Variants in SNRPN observed in about 807,000 individuals in gnomAD.
The protein encoded by SNRPN is small nuclear ribonucleoprotein polypeptide N.
In SNRPN, 7 loss-of-function variants were observed where a neutral mutation model predicts 25.2. The observed-to-expected ratio is 0.28, with a 90% CI of 0.16 to 0.52. The LOEUF is 0.52. Among genes scored for constraint, SNRPN ranks in the 20% least tolerant of loss-of-function variants. The probability of loss-of-function intolerance (pLI) is 0.96; values close to 1 mark genes in which losing one functional copy is unlikely to be tolerated. For synonymous variants in SNRPN, 124 were observed against 110.6 expected (o/e 1.12, Z -0.76); for missense variants, 196 against 322.5 (o/e 0.61, Z 3.00).
intron 2 of SNRPN, among the ~76,000 whole-genome samples, chr15:24,894,230 T>C (rs2057907119): frequency 6.6e-6 from 1 of 152,042 alleles, no homozygotes; most frequent in Admixed American, 6.6e-5. Flanking sequence ...TTTTTTTTTT[T>C]TCCTTTGAGA....
chr15:24,882,633 T>C lies in SNRPN; in HGVS notation c.-578-3883T>C, dbSNP rs546235097. On this transcript the variant is annotated intron_variant, in intron 1 of 11. Transcript: ENST00000400097. ...TGAGGTCAGGAGTTCGAGACCAGCC[T>C]GACCAACATGGTTAAATCCTGTCTC... is the stretch of plus-strand genomic sequence containing the variant. Among the ~76,000 whole-genome samples the C allele has an allele frequency of 2.0e-5, 3 of 152,090 alleles. No homozygotes were observed. In the East Asian group the frequency reaches 5.8e-4, roughly 30 times the overall value.
chr15:24,871,083 A>G (rs2055071981), intron 1 of SNRPN, among the ~76,000 whole-genome samples: 1 of 151,776 alleles, frequency 6.6e-6, no homozygotes, highest in Non-Finnish European at 1.5e-5. Context: ...GGGTTTCACT[A>G]TGTTGGCCAA....
At chr15:24,936,486 G>A (rs1304688014) in intron 3 of SNRPN, among the ~76,000 whole-genome samples, 4 of 152,142 alleles carry the variant, frequency 2.6e-5, no homozygotes, top group Non-Finnish European at 2.9e-5. Flanking sequence ...ATTGGGGACT[G>A]TATTGGTCCA....
intron 1 of SNRPN, among the ~76,000 whole-genome samples, chr15:24,857,118 T>C (rs2146514237): frequency 6.6e-6 from 1 of 152,360 alleles, no homozygotes; most frequent in African/African-American, 2.4e-5. Context: ...GCTGTGATTA[T>C]TTGCATTATA....
chr15:24,973,717 C>G (rs572488364), intron 3 of SNRPN, among the ~76,000 whole-genome samples: 5 of 152,050 alleles, frequency 3.3e-5, no homozygotes, highest in Admixed American at 3.3e-4. Flanking sequence ...TGATTTATAA[C>G]TTTGTCCTTC....
rs543989887 is a variant in SNRPN, at chr15:24,899,505, A to G, written c.-505+12916A>G. Among the ~76,000 whole-genome samples, 99 of 152,302 alleles carry G rather than the reference A, an allele frequency of 6.5e-4. No individual in the cohort carries two copies. In the Middle Eastern group the frequency reaches 0.02, roughly 31 times the overall value. On this transcript the variant is annotated intron_variant, in intron 2 of 11. Transcript: ENST00000400097. ...CACTGTGGTCTCTCAGCCGTTTCCC[A>G]TAGCATGCATGCCTTTCTCCAGCAC...
chr15:24,943,184 A>C (rs1233975104), intron 3 of SNRPN, among the ~76,000 whole-genome samples: 1 of 152,126 alleles, frequency 6.6e-6, no homozygotes, highest in African/African-American at 2.4e-5. Context: ...ATATAATTGT[A>C]TATCTGGCCA....
chr15:24,933,571 A>C (rs997045126), intron 3 of SNRPN, among the ~76,000 whole-genome samples: 1 of 152,150 alleles, frequency 6.6e-6, no homozygotes, highest in African/African-American at 2.4e-5. Context: ...TGAGGTCAGG[A>C]GTTCGAGACC....
intron 3 of SNRPN, among the ~76,000 whole-genome samples, chr15:24,932,384 G>C (rs1007004754): frequency 6.6e-6 from 1 of 151,938 alleles, no homozygotes; most frequent in Non-Finnish European, 1.5e-5. Context: ...ACAGGTGCTC[G>C]CCACCACGAC....
At chr15:24,936,280 C>G (rs529200769) in intron 3 of SNRPN, among the ~76,000 whole-genome samples, 2 of 152,268 alleles carry the variant, frequency 1.3e-5, no homozygotes, top group East Asian at 3.9e-4. Context: ...GCTTAATTTG[C>G]TGCTTGGCAT....
At chr15:24,904,737 G>A (rs1381558991) in intron 2 of SNRPN, among the ~76,000 whole-genome samples, 2 of 151,852 alleles carry the variant, frequency 1.3e-5, no homozygotes, top group African/African-American at 2.4e-5. Context: ...AACATTTTGG[G>A]AGGATCACTT....
chr15:24,869,590 CATG>C, intron 1 of SNRPN, among the ~76,000 whole-genome samples: 1 of 152,200 alleles, frequency 6.6e-6, no homozygotes, highest in South Asian at 2.1e-4. Context: ...ACATTTTTCT[CATG>C]ATTATACTGG....
chr15:24,918,922 A>T (rs1185228643), intron 2 of SNRPN, among the ~76,000 whole-genome samples: 3 of 30,350 alleles, frequency 9.9e-5, no homozygotes, highest in African/African-American at 1.5e-4. Flanking sequence ...TATATAACAT[A>T]ATATATATAT....
At chr15:24,932,644 A>T (rs2060949800) in intron 3 of SNRPN, among the ~76,000 whole-genome samples, 1 of 135,494 alleles carries the variant, frequency 7.4e-6, no homozygotes, top group Non-Finnish European at 1.7e-5. Flanking sequence ...TTGAGTCTGT[A>T]AATGTTTTTT....
chr15:24,832,888 C>T (rs573166199), intron 2 of SNRPN, among the ~76,000 whole-genome samples: 3 of 151,866 alleles, frequency 2.0e-5, no homozygotes, highest in African/African-American at 4.8e-5. Flanking sequence ...GGGCGGACCA[C>T]GAGGTCAGGA....
chr15:24,928,095 A>T (rs2060536198), intron 3 of SNRPN, among the ~76,000 whole-genome samples: 1 of 152,206 alleles, frequency 6.6e-6, no homozygotes, highest in South Asian at 2.1e-4. Flanking sequence ...GCTGATGAGG[A>T]TGCAGATGAC....
At chr15:24,878,346 A>G (rs1195497313) in intron 1 of SNRPN, among the ~76,000 whole-genome samples, 1 of 152,096 alleles carries the variant, frequency 6.6e-6, no homozygotes, top group Non-Finnish European at 1.5e-5. Context: ...TGAGCGGCCG[A>G]CAAACCCGCA....
intron 3 of SNRPN, among the ~76,000 whole-genome samples, chr15:24,923,922 C>T (rs896630746): frequency 0.1 from 1,516 of 14,702 alleles, 31 homozygotes; most frequent in African/African-American, 0.19. Flanking sequence ...TGTATATAAA[C>T]ATTTTTTTTT....
At chr15:24,938,114 G>GTT (rs34512648) in intron 3 of SNRPN, among the ~76,000 whole-genome samples, 1,481 of 139,948 alleles carry the variant, frequency 0.011, 32 homozygotes, top group South Asian at 0.037. Flanking sequence ...CTTCTAATTC[G>GTT]TTTTTTTTTT....
Sources: allele counts gnomAD v4.1 joint callset (sites outside exome capture counted in the v4.1 genomes callset), GRCh38; gene constraint gnomAD v4.1.1; transcripts MANE v1.5; gene names NCBI Gene and HGNC (gene_info 2026-07-23, HGNC 2026-07-21).